Variants in CCSER1 observed in about 807,000 individuals in gnomAD.
The protein encoded by CCSER1 is coiled-coil serine rich protein 1, also known as serine-rich coiled-coil domain-containing protein 1.
In CCSER1, 41 loss-of-function variants were observed where a neutral mutation model predicts 82.0. The ratio of observed to expected loss-of-function variants is 0.50; its 90% CI spans 0.39 to 0.65. CCSER1 has a LOEUF of 0.65. Ranked by LOEUF, CCSER1 falls within the 30% of genes least tolerant of loss-of-function variation. The pLI is 0.00. For missense variants in CCSER1, 1,119 were observed against 1,064.2 expected, an observed-to-expected ratio of 1.05 and a Z score of -0.72; for synonymous variants, 414 against 383.9, an observed-to-expected ratio of 1.08 and a Z score of -0.92.
chr4:91,588,618 G>C (rs1202436531), intron 10 of CCSER1, among the ~76,000 whole-genome samples: 1 of 151,696 alleles, frequency 6.6e-6, no homozygotes, highest in Admixed American at 6.6e-5. Flanking sequence ...TATGTTAGCA[G>C]TATTCTTTTC....
intron 10 of CCSER1, among the ~76,000 whole-genome samples, chr4:91,356,127 G>A (rs1211243000): frequency 6.6e-6 from 1 of 152,220 alleles, no homozygotes; most frequent in East Asian, 1.9e-4. Context: ...CCTTGGACAT[G>A]GGGGCCAGTC....
At chr4:90,251,935 A>C (rs1055178834) in intron 1 of CCSER1, among the ~76,000 whole-genome samples, 2 of 151,480 alleles carry the variant, frequency 1.3e-5, no homozygotes, top group Admixed American at 6.6e-5. Context: ...TTGTTTTTCT[A>C]TGTTTTATTT....
chr4:91,466,277 G>T (rs796997966), intron 10 of CCSER1, among the ~76,000 whole-genome samples: 1 of 152,106 alleles, frequency 6.6e-6, no homozygotes. Context: ...AATAGATGAA[G>T]AAAAGGCCTT....
intron 7 of CCSER1, among the ~76,000 whole-genome samples, chr4:90,787,892 C>T (rs143951076): frequency 1.6e-4 from 25 of 152,218 alleles, no homozygotes; most frequent in African/African-American, 5.5e-4. Flanking sequence ...GAAGTAGGGT[C>T]CACCACAGTA....
At chr4:90,367,299 A>G (rs1746445048) in intron 3 of CCSER1, among the ~76,000 whole-genome samples, 1 of 151,960 alleles carries the variant, frequency 6.6e-6, no homozygotes, top group Admixed American at 6.6e-5. Context: ...GCGAATGAGC[A>G]TGAAGGCTTT....
intron 6 of CCSER1, among the ~76,000 whole-genome samples, chr4:90,644,824 A>G (rs1254797255): frequency 6.6e-6 from 1 of 151,930 alleles, no homozygotes; most frequent in Non-Finnish European, 1.5e-5. Context: ...GCTCACACCT[A>G]TAATCCCAGC....
At chr4:91,361,802 C>CTAT (rs1749264279) in intron 10 of CCSER1, among the ~76,000 whole-genome samples, 1 of 151,802 alleles carries the variant, frequency 6.6e-6, no homozygotes, top group South Asian at 2.1e-4. Context: ...GAACACCTAA[C>CTAT]TATGGCCTAA....
rs1560487686 is a variant in CCSER1, at chr4:91,169,623, AAAAT to A, written c.2217+83636_2217+83639del. ...GGAATAGAATGAGTCTCCATTTCAA[AAAAT>A]AAATAAGTAAACTTGTATTTAAATA... is the stretch of plus-strand genomic sequence containing the variant. On this transcript the variant is annotated intron_variant, in intron 10 of 10. Transcript: ENST00000509176. 7.2e-5 allele frequency among the ~76,000 whole-genome samples: 11 copies of A among 152,322 alleles called. No homozygotes were observed. The South Asian group carries it at 2.1e-3, about 29-fold the overall frequency.
At chr4:91,082,599 A>G (rs530489627) in intron 9 of CCSER1, among the ~76,000 whole-genome samples, 1 of 152,302 alleles carries the variant, frequency 6.6e-6, no homozygotes, top group Admixed American at 6.5e-5. Context: ...ACAGCAAAAG[A>G]AACTACCATC....
intron 5 of CCSER1, among the ~76,000 whole-genome samples, chr4:90,522,973 T>C (rs1189695576): frequency 2.0e-5 from 3 of 152,128 alleles, no homozygotes; most frequent in African/African-American, 7.2e-5. Flanking sequence ...TAATGTACTC[T>C]GATTTTAAAT....
chr4:90,337,281 T>C (rs1579258273), intron 3 of CCSER1, among the ~76,000 whole-genome samples: 1 of 152,176 alleles, frequency 6.6e-6, no homozygotes, highest in African/African-American at 2.4e-5. Flanking sequence ...GAGGAAGCAT[T>C]CTCTATACCT....
chr4:90,301,490 T>C (rs954631263), intron 1 of CCSER1, among the ~76,000 whole-genome samples: 1 of 152,206 alleles, frequency 6.6e-6, no homozygotes. Flanking sequence ...TTATTTCTAA[T>C]AGGGTCTGTA....
At chr4:91,527,647 G>T (rs1037952573) in intron 10 of CCSER1, among the ~76,000 whole-genome samples, 4 of 152,042 alleles carry the variant, frequency 2.6e-5, no homozygotes, top group African/African-American at 7.2e-5. Flanking sequence ...TTCAATAAAT[G>T]GTTCATACCG....
intron 10 of CCSER1, among the ~76,000 whole-genome samples, chr4:91,589,609 A>G (rs888516537): frequency 6.7e-6 from 1 of 148,686 alleles, no homozygotes; most frequent in African/African-American, 2.5e-5. Flanking sequence ...ATACTAAGCC[A>G]CTACAATTGT....
intron 1 of CCSER1, among the ~76,000 whole-genome samples, chr4:90,276,317 T>TTTTCTTTCTTTC (rs371973796): frequency 8.8e-6 from 1 of 113,380 alleles, no homozygotes; most frequent in South Asian, 2.7e-4. Context: ...CTTTCTTTCT[T>TTTTCTTTCTTTC]TTTCTTTCTT....
intron 10 of CCSER1, among the ~76,000 whole-genome samples, chr4:91,533,160 A>G (rs1374057556): frequency 6.6e-6 from 1 of 152,208 alleles, no homozygotes; most frequent in East Asian, 1.9e-4. Flanking sequence ...AGAAACCTGA[A>G]TAATTCTACC....
chr4:90,530,453 G>T (rs1024648631), intron 5 of CCSER1, among the ~76,000 whole-genome samples: 1 of 152,078 alleles, frequency 6.6e-6, no homozygotes, highest in Non-Finnish European at 1.5e-5. Context: ...AAGGGAAAAA[G>T]TACACACTCA....
chr4:90,794,362 G>C (rs1755678874), intron 7 of CCSER1, among the ~76,000 whole-genome samples: 1 of 152,158 alleles, frequency 6.6e-6, no homozygotes, highest in Non-Finnish European at 1.5e-5. Context: ...AAGAGGTCCA[G>C]CTTCAATCTT....
intron 8 of CCSER1, among the ~76,000 whole-genome samples, chr4:90,910,440 C>G (rs1320462461): frequency 6.6e-6 from 1 of 152,178 alleles, no homozygotes; most frequent in Non-Finnish European, 1.5e-5. Context: ...TATTTTTTAT[C>G]AGTCTGTCTC....
Sources: allele counts gnomAD v4.1 joint callset (sites outside exome capture counted in the v4.1 genomes callset), GRCh38; gene constraint gnomAD v4.1.1; transcripts MANE v1.5; gene names NCBI Gene and HGNC (gene_info 2026-07-23, HGNC 2026-07-21).